Variants in NCKAP1L observed in about 807,000 individuals in gnomAD.
The protein encoded by NCKAP1L is NCK associated protein 1 like.
In NCKAP1L, 53 loss-of-function variants were observed where a neutral mutation model predicts 139.2. The ratio of observed to expected loss-of-function variants is 0.38; its 90% CI spans 0.31 to 0.48. The LOEUF (loss-of-function observed/expected upper bound fraction) is 0.48. Ranked by LOEUF, NCKAP1L falls within the 20% of genes least tolerant of loss-of-function variation. The pLI is 0.98. For missense variants in NCKAP1L, 1,151 were observed against 1,381.9 expected (o/e 0.83, Z 2.65); for synonymous variants, 468 against 499.7 (o/e 0.94, Z 0.85).
chr12:54,533,248 C>A (rs1957087018), intron 26 of NCKAP1L, among the ~76,000 whole-genome samples: 1 of 152,168 alleles, frequency 6.6e-6, no homozygotes, highest in African/African-American at 2.4e-5. Context: ...CTGATATCTC[C>A]TGGGTAGCTC....
In NCKAP1L at chr12:54,517,612, A is replaced by G. The variant is rs780776784; in HGVS notation, c.1175A>G (p.Lys392Arg). The change falls in exon 12 of 31, where the codon AAG becomes AGG. Residue 392 changes from lysine to arginine, a missense_variant. Transcript: ENST00000293373. ...WLVRHTENVT[K>R]TKTPEDYADS... is the part of the protein sequence containing the mutation. ...GTTCGCCACACAGAGAATGTCACCA[A>G]GACAAAGACACCTGAGGACTATGCT... is the stretch of plus-strand genomic sequence containing the variant. 1.9e-6 allele frequency: 3 copies of G among 1,613,928 alleles called. No individual in the cohort carries two copies. Among genetic ancestry groups the G allele is most frequent in the South Asian group, 2.2e-5 (2 of 91,070 alleles).
chr12:54,542,828 T>C lies in NCKAP1L; in HGVS notation c.*143T>C. On this transcript the variant is annotated 3_prime_UTR_variant, in exon 31 of 31. Transcript: ENST00000293373. ...TCAGGAGCCAGAGTTGATGAGCAGA[T>C]CTGTGGAAGAACAATCCAGGGCTGA... 1 of 618,330 alleles carries C rather than the reference T, an allele frequency of 1.6e-6. No homozygotes were observed. Among genetic ancestry groups the C allele is most frequent in the Non-Finnish European group, 2.9e-6 (1 of 346,180 alleles). The allele number at this position is 618,330 out of a possible 1,614,324, so 38.3% of individuals were successfully genotyped here. A position where few individuals can be genotyped will look rare whatever the true frequency, so the allele number is the denominator to read the frequency against.
At chr12:54,513,055 G>C (rs1473570471) in intron 9 of NCKAP1L, among the ~76,000 whole-genome samples, 2 of 152,178 alleles carry the variant, frequency 1.3e-5, no homozygotes, top group African/African-American at 4.8e-5. Context: ...ATCCCAAAGA[G>C]GATGGGGAAC....
chr12:54,540,874 T>C (rs911637821), intron 30 of NCKAP1L, among the ~76,000 whole-genome samples: 1 of 152,226 alleles, frequency 6.6e-6, no homozygotes, highest in Non-Finnish European at 1.5e-5. Flanking sequence ...GATCAGGTAC[T>C]TTTTGTTGGA....
intron 1 of NCKAP1L, among the ~76,000 whole-genome samples, chr12:54,499,112 G>A (rs898046064): frequency 1.3e-5 from 2 of 151,968 alleles, no homozygotes; most frequent in Admixed American, 6.6e-5. Flanking sequence ...TTTTAGTAGA[G>A]ACGGGGTTTC....
At chr12:54,525,718 C>G (rs1400056255) in intron 20 of NCKAP1L, among the ~76,000 whole-genome samples, 1 of 152,084 alleles carries the variant, frequency 6.6e-6, no homozygotes, top group Admixed American at 6.6e-5. Context: ...GTGGAGCAGA[C>G]CAGCCCCACC....
At chr12:54,510,104 G>T in intron 7 of NCKAP1L, 119 bp downstream of exon 7, 1 of 1,335,760 alleles carries the variant, frequency 7.5e-7, no homozygotes, top group Non-Finnish European at 1.0e-6. Context: ...CTTCTTCTAG[G>T]GTATGTCTCT....
At chr12:54,529,250 C>G (rs12821748) in intron 22 of NCKAP1L, among the ~76,000 whole-genome samples, 1 of 152,070 alleles carries the variant, frequency 6.6e-6, no homozygotes, top group African/African-American at 2.4e-5. Context: ...AAGCACTGTA[C>G]AGCGCTGCCT....
chr12:54,510,658 TGCCGCCAC>T (rs1956880733), intron 7 of NCKAP1L, among the ~76,000 whole-genome samples: 1 of 151,408 alleles, frequency 6.6e-6, no homozygotes, highest in African/African-American at 2.4e-5. Context: ...TACAGGCATG[TGCCGCCAC>T]ACCTGGGTAA....
chr12:54,521,292 C>T, intron 18 of NCKAP1L, 54 bp downstream of exon 18: 2 of 1,600,148 alleles, frequency 1.2e-6, no homozygotes, highest in East Asian at 2.2e-5. Context: ...TCAGTGCCTT[C>T]CCCTCTATCT....
At chr12:54,508,572 T>G (rs947781969) in intron 5 of NCKAP1L, 41 bp downstream of exon 5, 11 of 1,601,480 alleles carry the variant, frequency 6.9e-6, no homozygotes, top group Non-Finnish European at 8.5e-6. Context: ...GTCTCATACA[T>G]GGTGCTATGA....
At chr12:54,507,736 T>C in intron 3 of NCKAP1L, 117 bp from the exon 4 acceptor site, 1 of 899,042 alleles carries the variant, frequency 1.1e-6, no homozygotes, top group Non-Finnish European at 1.8e-6. Flanking sequence ...GACTTTTCTC[T>C]GTTACTTGGT....
intron 16 of NCKAP1L, among the ~76,000 whole-genome samples, chr12:54,519,836 T>G (rs1334127045): frequency 1.3e-5 from 2 of 152,282 alleles, no homozygotes; most frequent in Admixed American, 1.3e-4. Context: ...TTAGCCCATA[T>G]GTCTAGTTTC....
intron 18 of NCKAP1L, 61 bp downstream of exon 18, chr12:54,521,299 A>G (rs1219078820): frequency 1.4e-5 from 22 of 1,590,806 alleles, no homozygotes; most frequent in Admixed American, 3.4e-5. Flanking sequence ...CTTCCCCTCT[A>G]TCTAACTTTG....
chr12:54,504,590 T>C (rs1225176275), intron 3 of NCKAP1L, among the ~76,000 whole-genome samples: 1 of 152,196 alleles, frequency 6.6e-6, no homozygotes, highest in Admixed American at 6.5e-5. Flanking sequence ...TTGGTACGGC[T>C]TGTTTAGGAA....
Position 54,497,770 on chromosome 12 carries a change from C to A in NCKAP1L, c.-20C>A. 1.5e-6 allele frequency: 2 copies of A among 1,302,730 alleles called. No individual in the cohort carries two copies. The highest frequency in any genetic ancestry group is 2.2e-6 in the Non-Finnish European group (2 of 896,616). 80.7% of individuals were successfully genotyped at this position (1,302,730 alleles called of 1,614,324 possible). On this transcript the variant is annotated 5_prime_UTR_variant, in exon 1 of 31. Transcript: ENST00000293373. ...GGAGATCAGACATTGCTGTCTGGTG[C>A]TCCTCTCTCAGTGGCCATCATGTCT...
intron 27 of NCKAP1L, among the ~76,000 whole-genome samples, chr12:54,535,450 A>G (rs1592352823): frequency 6.6e-6 from 1 of 152,332 alleles, no homozygotes; most frequent in East Asian, 1.9e-4. Context: ...AAAAAGTACT[A>G]AGTGAGAGTC....
chr12:54,501,085 C>T (rs1038298515), intron 3 of NCKAP1L, among the ~76,000 whole-genome samples: 2 of 152,130 alleles, frequency 1.3e-5, no homozygotes, highest in Non-Finnish European at 1.5e-5. Flanking sequence ...AAACCTGAAA[C>T]TCTCTACCCT....
At chr12:54,498,399 TTGTGTGTGTG>T (rs766272206) in intron 1 of NCKAP1L, among the ~76,000 whole-genome samples, 40 of 142,296 alleles carry the variant, frequency 2.8e-4, no homozygotes, top group African/African-American at 1.3e-4. Flanking sequence ...GCTGTGGTGG[TTGTGTGTGTG>T]TGTGTGTGTG....
Sources: gnomAD v4.1 joint callset for allele counts (sites outside exome capture counted in the v4.1 genomes callset) on GRCh38, gnomAD v4.1.1 for gene constraint, MANE v1.5 for transcripts, NCBI Gene and HGNC (gene_info 2026-07-23, HGNC 2026-07-21) for gene names.